NMNAT3: variants seen among roughly 807,000 people sequenced by gnomAD.
NMNAT3 encodes the protein nicotinamide nucleotide adenylyltransferase 3.
A neutral mutation model predicts 24.8 loss-of-function variants in NMNAT3; 21 were observed. The observed-to-expected ratio is 0.85, with a 90% CI of 0.60 to 1.22. The LOEUF (loss-of-function observed/expected upper bound fraction) is 1.22. Among genes scored for constraint, NMNAT3 ranks in the 50% most tolerant of loss-of-function variants. The probability of loss-of-function intolerance (pLI) is 0.00; values close to 1 mark genes in which losing one functional copy is unlikely to be tolerated. For missense variants in NMNAT3, 387 were observed against 436.6 expected, an observed-to-expected ratio of 0.89 and a Z score of 1.01; for synonymous variants, 136 against 155.2, an observed-to-expected ratio of 0.88 and a Z score of 0.92.
chr3:139,655,493 T>C (rs898294616), intron 1 of NMNAT3, among the ~76,000 whole-genome samples: 1 of 152,222 alleles, frequency 6.6e-6, no homozygotes, highest in Non-Finnish European at 1.5e-5. Flanking sequence ...CCACAGCTAC[T>C]TTCAATTGCA....
chr3:139,591,644 T>C lies in NMNAT3; in HGVS notation c.110-8436A>G, dbSNP rs559249603. Among the ~76,000 whole-genome samples, 436 of 147,206 alleles carry C rather than the reference T, an allele frequency of 3.0e-3. 2 individuals carry two copies. Among genetic ancestry groups the C allele is most frequent in the Non-Finnish European group, 2.8e-3 (184 of 66,322 alleles). ...TCTGAGAACGGGCAGACTGCCTCCTTAAGTGGGTCCCTGACCCCTGACCCC... is the reference window on the plus strand; with the variant it reads ...TCTGAGAACGGGCAGACTGCCTCCTCAAGTGGGTCCCTGACCCCTGACCCC... On this transcript the variant is annotated intron_variant, in intron 3 of 6. Transcript: ENST00000643695.
chr3:139,587,218 T>G (rs2053973489), intron 3 of NMNAT3, among the ~76,000 whole-genome samples: 1 of 152,152 alleles, frequency 6.6e-6, no homozygotes, highest in African/African-American at 2.4e-5. Context: ...CAATTCTAAG[T>G]CTCCTTGAGA....
At chr3:139,613,502 T>G (rs2108265061) in intron 3 of NMNAT3, among the ~76,000 whole-genome samples, 1 of 152,322 alleles carries the variant, frequency 6.6e-6, no homozygotes, top group South Asian at 2.1e-4. Context: ...CTGGAGAGGA[T>G]GTGGAGAAAT....
chr3:139,645,697 C>T (rs957666925), intron 1 of NMNAT3, among the ~76,000 whole-genome samples: 28 of 152,164 alleles, frequency 1.8e-4, no homozygotes, highest in Non-Finnish European at 7.3e-5. Context: ...GCTTACATCT[C>T]ACTGGCCAGA....
chr3:139,627,231 C>A (rs2056091607), intron 3 of NMNAT3, among the ~76,000 whole-genome samples: 1 of 152,110 alleles, frequency 6.6e-6, no homozygotes, highest in Admixed American at 6.5e-5. Context: ...CAAGCATTTT[C>A]TTACCCTCTG....
chr3:139,661,267 G>A (rs1015228468), intron 1 of NMNAT3, among the ~76,000 whole-genome samples: 2 of 152,124 alleles, frequency 1.3e-5, no homozygotes, highest in Non-Finnish European at 2.9e-5. Flanking sequence ...GCCTTACCAC[G>A]GGCAAGGCAC....
At chr3:139,673,935 G>T (rs2108465317) in intron 1 of NMNAT3, among the ~76,000 whole-genome samples, 1 of 152,230 alleles carries the variant, frequency 6.6e-6, no homozygotes, top group African/African-American at 2.4e-5. Context: ...GGCACCCGCT[G>T]GTACTATGGG....
At chr3:139,614,621 G>C (rs976838422) in intron 3 of NMNAT3, among the ~76,000 whole-genome samples, 35 of 152,334 alleles carry the variant, frequency 2.3e-4, no homozygotes, top group African/African-American at 8.2e-4. Context: ...GGAGGTACAG[G>C]GTACGCCCTT....
chr3:139,615,512 C>T (rs1400290379), intron 3 of NMNAT3, among the ~76,000 whole-genome samples: 2 of 151,758 alleles, frequency 1.3e-5, no homozygotes, highest in African/African-American at 4.8e-5. Flanking sequence ...CCCACCGACC[C>T]ACCCACTGTA....
At chr3:139,588,508 A>G (rs1443143165) in intron 3 of NMNAT3, among the ~76,000 whole-genome samples, 1 of 152,184 alleles carries the variant, frequency 6.6e-6, no homozygotes, top group Non-Finnish European at 1.5e-5. Context: ...GAGAGCTGAT[A>G]AAAATTGATA....
intron 6 of NMNAT3, chr3:139,566,440 G>A (rs1357550092): frequency 6.6e-6 from 1 of 152,186 alleles, no homozygotes; most frequent in African/African-American, 2.4e-5. Context: ...CCTTGCCCAT[G>A]CCTATGTCCT....
chr3:139,623,316 C>T (rs917705878), intron 3 of NMNAT3, among the ~76,000 whole-genome samples: 2 of 152,180 alleles, frequency 1.3e-5, no homozygotes, highest in Non-Finnish European at 2.9e-5. Context: ...TCTACTTCCA[C>T]ATCTTGTCCC....
intron 1 of NMNAT3, among the ~76,000 whole-genome samples, chr3:139,640,899 A>G (rs2056678366): frequency 6.6e-6 from 1 of 152,246 alleles, no homozygotes; most frequent in Non-Finnish European, 1.5e-5. Flanking sequence ...AGCAGGCCTG[A>G]GTCAGATTTG....
intron 2 of NMNAT3, among the ~76,000 whole-genome samples, chr3:139,632,120 T>C (rs146635744): frequency 3.3e-5 from 5 of 152,172 alleles, no homozygotes; most frequent in African/African-American, 9.6e-5. Flanking sequence ...CTGGCACCAA[T>C]AGGTACTCAG....
In NMNAT3 at chr3:139,633,746, G is replaced by T. The variant is rs139164937; in HGVS notation, c.-41+4217C>A. Among the ~76,000 whole-genome samples the T allele has an allele frequency of 9.4e-4, 143 of 152,254 alleles. 1 individual carries two copies. Among genetic ancestry groups the T allele is most frequent in the Admixed American group, 1.6e-3 (25 of 15,288 alleles). On this transcript the variant is annotated intron_variant, in intron 2 of 6. Transcript: ENST00000643695. ...AGATGTCAGTATGGCTCACGTGTAG[G>T]CAGGAGCTGATGTGTGAGTGGCTCA...
At chr3:139,676,834 A>G (rs2057943740) in intron 1 of NMNAT3, among the ~76,000 whole-genome samples, 1 of 152,212 alleles carries the variant, frequency 6.6e-6, no homozygotes, top group Non-Finnish European at 1.5e-5. Flanking sequence ...AGGGGAAGTG[A>G]CTTTGCTGAG....
At chr3:139,651,179 T>C (rs2057044173) in intron 1 of NMNAT3, among the ~76,000 whole-genome samples, 2 of 152,146 alleles carry the variant, frequency 1.3e-5, no homozygotes, top group African/African-American at 2.4e-5. Flanking sequence ...AGAGACCCAC[T>C]CAGGCCTGTT....
chr3:139,629,664 A>G (rs2056211268), intron 2 of NMNAT3, among the ~76,000 whole-genome samples: 1 of 152,144 alleles, frequency 6.6e-6, no homozygotes, highest in Non-Finnish European at 1.5e-5. Flanking sequence ...ATATCAAAGG[A>G]AACTGTTTCA....
At chr3:139,586,007 G>A (rs2053924183) in intron 3 of NMNAT3, among the ~76,000 whole-genome samples, 1 of 152,224 alleles carries the variant, frequency 6.6e-6, no homozygotes, top group African/African-American at 2.4e-5. Context: ...GTTCTGGCAA[G>A]TGCTCAACAG....
Sources: allele counts gnomAD v4.1 joint callset (sites outside exome capture counted in the v4.1 genomes callset), GRCh38; gene constraint gnomAD v4.1.1; transcripts MANE v1.5; gene names NCBI Gene and HGNC (gene_info 2026-07-23, HGNC 2026-07-21).